CTDNEP1: variants seen among roughly 807,000 people sequenced by gnomAD.
CTDNEP1 encodes C-terminal domain nuclear envelope phosphatase 1.
CTDNEP1 carries 3 observed loss-of-function variants against 30.1 expected under a neutral mutation model. The observed-to-expected ratio is 0.10, with a 90% confidence interval of 0.05 to 0.26. The LOEUF is 0.26. Among genes scored for constraint, CTDNEP1 ranks in the 10% least tolerant of loss-of-function variants. The pLI is 1.00. For synonymous variants in CTDNEP1, 123 were observed against 118.8 expected (o/e 1.04, Z -0.23); for missense variants, 158 against 310.4 (o/e 0.51, Z 3.69).
intron 6 of CTDNEP1, 82 bp from the exon 7 acceptor site, chr17:7,244,717 T>C: frequency 1.8e-6 from 2 of 1,087,732 alleles, no homozygotes; most frequent in Non-Finnish European, 2.6e-6. Context: ...GAAGGAGGAA[T>C]TATTGTTAAA....
In CTDNEP1 at chr17:7,246,913, G is replaced by A. The variant is rs528801302; in HGVS notation, c.289-51C>T. ...GGATGTCATGACCACCACAACCCAG[G>A]CCTAGAAAACGCCCCACCCATCTGC... On this transcript the variant is annotated intron_variant, in intron 3 of 7. Coordinates refer to ENST00000574322, the MANE Select transcript of CTDNEP1 (RefSeq NM_001143775.2). The surrounding 1 kb of genome is among the most constrained non-coding windows in gnomAD (Gnocchi z 4.9). 2 of 1,554,832 alleles carry A rather than the reference G, an allele frequency of 1.3e-6. No individual in the cohort carries two copies. Among genetic ancestry groups the A allele is most frequent in the Middle Eastern group, 1.7e-4 (1 of 5,922 alleles).
At position 7,247,309 on chromosome 17, in the gene CTDNEP1, A is replaced by T; in HGVS notation, c.137T>A (p.Leu46His). 6.2e-7 allele frequency: 1 copy of T among 1,613,964 alleles called. No individual in the cohort carries two copies. The highest frequency in any genetic ancestry group is 8.5e-7 in the Non-Finnish European group (1 of 1,179,980). Residue 46 changes from leucine (L) to histidine (H), a missense_variant, in exon 2 of 8, where the codon CTC becomes CAC. Leu to His is a moderately conservative substitution (Grantham distance 99). Around this residue, in one of 2 missense-constraint regions of CTDNEP1, gnomAD observed 62 missense variants for 81.4 expected, o/e 0.76. Transcript: ENST00000574322. ...IQYQTVRYDI[L>H]PLSPVSRNRL... ...ATTCCGGGACACAGGAGATAAGGGG[A>T]GGATATCATATCGAACAGTTTGGTA... is the stretch of plus-strand genomic sequence containing the variant.
rs1394343797 is a variant in CTDNEP1 at position 7,251,606 on chromosome 17, AGGGAAG to A, written c.-316_-311del. ...TAGGATGGGGTCCTCCGAGACCTGG[AGGGAAG>A]GGGAAGGATAATTGGGGGAGGGGGC... On this transcript the variant is annotated 5_prime_UTR_variant, in exon 1 of 8. Coordinates refer to ENST00000574322, the MANE Select transcript of CTDNEP1 (RefSeq NM_001143775.2). 1 of 59,740 alleles carries A rather than the reference AGGGAAG, an allele frequency of 1.7e-5. No individual in the cohort carries two copies. Among genetic ancestry groups the A allele is most frequent in the Non-Finnish European group, 3.1e-5 (1 of 31,850 alleles). 3.7% of individuals were successfully genotyped at this position (59,740 alleles called of 1,614,324 possible). A position where few individuals can be genotyped will look rare whatever the true frequency, so the allele number is the denominator to read the frequency against.
At chr17:7,245,657 C>T (rs1238316060) in intron 6 of CTDNEP1, among the ~76,000 whole-genome samples, 1 of 151,558 alleles carries the variant, frequency 6.6e-6, no homozygotes, top group Non-Finnish European at 1.5e-5. Flanking sequence ...CGCCACCACG[C>T]CTGGCTAGTT....
intron 6 of CTDNEP1, among the ~76,000 whole-genome samples, chr17:7,245,479 T>C (rs1313584980): frequency 2.6e-5 from 4 of 151,494 alleles, no homozygotes; most frequent in Non-Finnish European, 5.9e-5. Flanking sequence ...TAAATAAAAA[T>C]AAATTTTATT....
intron 6 of CTDNEP1, among the ~76,000 whole-genome samples, chr17:7,245,410 G>C (rs2096871099): frequency 6.6e-6 from 1 of 151,990 alleles, no homozygotes; most frequent in Non-Finnish European, 1.5e-5. Context: ...GCTGCAGTGA[G>C]CTATGATCAT....
Position 7,244,265 on chromosome 17 carries a change from C to T in CTDNEP1, c.675-20G>A, listed in dbSNP as rs767728388. 1.9e-6 allele frequency: 3 copies of T among 1,613,530 alleles called. No individual in the cohort carries two copies. Among genetic ancestry groups the T allele is most frequent in the Middle Eastern group, 3.3e-4 (2 of 6,062 alleles). On this transcript the variant is annotated intron_variant, in intron 7 of 7. Transcript: ENST00000574322. Reference sequence around the variant, plus strand: ...GTGAACCTGGGGTGACAATAACTTGCATTGGTAGAGTACCTTATAGTTCAT... The same window carrying T: ...GTGAACCTGGGGTGACAATAACTTGTATTGGTAGAGTACCTTATAGTTCAT...
chr17:7,243,977 C>G lies in CTDNEP1; in HGVS notation c.*208G>C, dbSNP rs906915803. On this transcript the variant is annotated 3_prime_UTR_variant, in exon 8 of 8. Transcript: ENST00000574322. ...CTGGGGTTTCCATGGAGTGTGAACACGAAGTTAAGAGTGAGGCTGCTTCAG... is the reference window on the plus strand; with the variant it reads ...CTGGGGTTTCCATGGAGTGTGAACAGGAAGTTAAGAGTGAGGCTGCTTCAG... 1.4e-5 allele frequency: 19 copies of G among 1,387,344 alleles called. No individual in the cohort carries two copies. In the African/African-American group the frequency reaches 2.6e-4, roughly 19 times the overall value. 85.9% of individuals were successfully genotyped at this position (1,387,344 alleles called of 1,614,324 possible). A position where few individuals can be genotyped will look rare whatever the true frequency, so the allele number is the denominator to read the frequency against.
At position 7,247,109 on chromosome 17, in the gene CTDNEP1, C is replaced by T; in HGVS notation, c.243G>A (p.Leu81=). The T allele has an allele frequency of 6.2e-7, 1 of 1,613,482 alleles. No individual in the cohort carries two copies. Among genetic ancestry groups the T allele is most frequent in the Non-Finnish European group, 8.5e-7 (1 of 1,180,002 alleles). ...TLIHSHHDGV[L]RPTVRPGTPP... ...GCGTACCAGGCCGGACTGTGGGCCT[C>T]AGGACCCCATCATGGTGGGAGTGAA... Residue 81 remains leucine (L), a synonymous_variant, in exon 3 of 8, where the codon CTG becomes CTA. Transcript: ENST00000574322.
chr17:7,246,471 TC>T lies in CTDNEP1; in HGVS notation c.361-102del. The T allele has an allele frequency of 1.2e-6, 1 of 850,726 alleles. No individual in the cohort carries two copies. Among genetic ancestry groups the T allele is most frequent in the Non-Finnish European group, 1.9e-6 (1 of 516,942 alleles). The allele number at this position is 850,726 out of a possible 1,614,324, so 52.7% of individuals were successfully genotyped here. ...GGCAATGGCATAGTCCTTCAGGCCT[TC>T]CATCAACATCAAATGTCTCTGAGGA... On this transcript the variant is annotated intron_variant, in intron 4 of 7. Transcript: ENST00000574322. The surrounding 1 kb of genome is among the most constrained non-coding windows in gnomAD (Gnocchi z 4.9).
At chr17:7,249,043 C>G (rs767415213) in intron 1 of CTDNEP1, among the ~76,000 whole-genome samples, 2 of 152,196 alleles carry the variant, frequency 1.3e-5, no homozygotes, top group African/African-American at 2.4e-5. Context: ...GCCAGGCTGA[C>G]TGGCAGGGTC....
In CTDNEP1 at chr17:7,251,254, C is replaced by A. The variant is rs2142999414; in HGVS notation, c.43G>T (p.Ala15Ser). 3.1e-6 allele frequency: 5 copies of A among 1,602,152 alleles called. No individual in the cohort carries two copies. In the East Asian group the frequency reaches 9.1e-5, roughly 29 times the overall value. ...QCLLGLRTFVAFAAKLWSFFI... is the reference protein window; with the variant it reads ...QCLLGLRTFVSFAAKLWSFFI... Reference sequence around the variant, plus strand: ...AAGCTCCAGAGCTTGGCGGCGAAGGCCACGAACGTGCGCAGCCCCAGCAGA... The same window carrying A: ...AAGCTCCAGAGCTTGGCGGCGAAGGACACGAACGTGCGCAGCCCCAGCAGA... Residue 15 changes from alanine (A) to serine (S), a missense_variant, in exon 1 of 8, where the codon GCC (alanine) becomes TCC (serine). Ala to Ser is a moderately conservative substitution (Grantham distance 99). Around this residue, in one of 2 missense-constraint regions of CTDNEP1, gnomAD observed 62 missense variants for 81.4 expected, o/e 0.76. Transcript: ENST00000574322.
At chr17:7,249,379 C>A (rs1258511235) in intron 1 of CTDNEP1, among the ~76,000 whole-genome samples, 2 of 152,190 alleles carry the variant, frequency 1.3e-5, no homozygotes, top group Non-Finnish European at 2.9e-5. Context: ...CAGTGTCCAG[C>A]CTTGCTATCT....
Position 7,244,601 on chromosome 17 carries a change from G to A in CTDNEP1, c.624C>T (p.Asp208=), listed in dbSNP as rs757099904. 2 of 1,613,392 alleles carry A rather than the reference G, an allele frequency of 1.2e-6. No homozygotes were observed. The highest frequency in any genetic ancestry group is 3.3e-5 in the Admixed American group (2 of 59,858). The change falls in exon 7 of 8, where the codon GAC becomes GAT. Residue 208 remains aspartate, a synonymous_variant. Coordinates refer to ENST00000574322, the MANE Select transcript of CTDNEP1 (RefSeq NM_001143775.2). ...NAIPIKSWFS[D]PSDTALLNLL... is the part of the protein sequence containing the mutation. Reference sequence around the variant, plus strand: ...GGTTGAGAAGGGCTGTGTCGCTGGGGTCACTGAACCAGGATTTGATGGGGA... The same window carrying A: ...GGTTGAGAAGGGCTGTGTCGCTGGGATCACTGAACCAGGATTTGATGGGGA...
chr17:7,245,123 G>A (rs771524209), intron 6 of CTDNEP1, among the ~76,000 whole-genome samples: 20 of 151,972 alleles, frequency 1.3e-4, no homozygotes, highest in Non-Finnish European at 2.1e-4. Context: ...AAACTCCGTC[G>A]CTACTAAAAA....
At chr17:7,245,948 C>A in intron 6 of CTDNEP1, 78 bp downstream of exon 6, 1 of 930,490 alleles carries the variant, frequency 1.1e-6, no homozygotes, top group Non-Finnish European at 1.7e-6. Context: ...TCTCAAGGAC[C>A]AAAGCCCAGG....
chr17:7,248,037 C>T (rs9899344), intron 1 of CTDNEP1, among the ~76,000 whole-genome samples: 3 of 151,142 alleles, frequency 2.0e-5, no homozygotes, highest in Admixed American at 1.3e-4. Context: ...CCAAGGCAGG[C>T]GGATCACAAG....
intron 6 of CTDNEP1, among the ~76,000 whole-genome samples, chr17:7,245,153 G>A (rs1475886581): frequency 2.0e-5 from 3 of 152,266 alleles, no homozygotes; most frequent in Non-Finnish European, 2.9e-5. Flanking sequence ...TTAGCTGCGC[G>A]TGGTGGCAGG....
In CTDNEP1 at chr17:7,246,551, A is replaced by G. The variant is rs1049425468; in HGVS notation, c.361-181T>C. The G allele has an allele frequency of 1.1e-5, 7 of 639,314 alleles. No homozygotes were observed. Among genetic ancestry groups the G allele is most frequent in the African/African-American group, 1.1e-4 (6 of 54,860 alleles). 39.6% of individuals were successfully genotyped at this position (639,314 alleles called of 1,614,324 possible). ...CTCCAAACTCAGTGTTAGGCATCCT[A>G]CACTCTTATGATTCAGAAATGCAAG... is the stretch of plus-strand genomic sequence containing the variant. On this transcript the variant is annotated intron_variant, in intron 4 of 7. Transcript: ENST00000574322. The surrounding 1 kb of genome is among the most constrained non-coding windows in gnomAD (Gnocchi z 4.9).
Sources: gnomAD v4.1 joint callset for allele counts (sites outside exome capture counted in the v4.1 genomes callset) on GRCh38, gnomAD v4.1.1 for gene constraint, gnomAD v4.1.1 regional missense constraint, Gnocchi (gnomAD v3.1) non-coding constraint, MANE v1.5 for transcripts, NCBI Gene and HGNC (gene_info 2026-07-23, HGNC 2026-07-21) for gene names.